ACVR2B: variants seen among roughly 807,000 people sequenced by gnomAD.
ACVR2B encodes activin A receptor type 2B.
Under a neutral mutation model 65.1 loss-of-function variants are expected in ACVR2B, and 18 were observed. The observed-to-expected ratio is 0.28, with a 90% CI of 0.19 to 0.41. The LOEUF (loss-of-function observed/expected upper bound fraction) is 0.41, where lower values mean the gene tolerates loss of function less well. Ranked by LOEUF, ACVR2B falls within the 10% of genes least tolerant of loss-of-function variation. The pLI, the probability that ACVR2B is intolerant of heterozygous loss-of-function variation, is 1.00. For synonymous variants in ACVR2B, 298 were observed against 277.7 expected (o/e 1.07, Z -0.73); for missense variants, 482 against 682.7 (o/e 0.71, Z 3.28).
intron 1 of ACVR2B, among the ~76,000 whole-genome samples, chr3:38,466,300 G>A (rs75112923): frequency 1.5e-5 from 2 of 131,750 alleles, no homozygotes; most frequent in South Asian, 2.5e-4. Context: ...GCACCGTAGG[G>A]TGCTTGTAGT....
rs932655056 is a variant in ACVR2B, at chr3:38,467,754, A to G, written c.53-9533A>G. 6.1e-4 allele frequency among the ~76,000 whole-genome samples: 20 copies of G among 32,602 alleles called. No individual in the cohort carries two copies. In the Admixed American group the frequency reaches 6.4e-3, roughly 10 times the overall value. The allele number at this position is 32,602 out of a possible 152,430, so 21.4% of individuals were successfully genotyped here. On this transcript the variant is annotated intron_variant, in intron 1 of 10. Transcript: ENST00000352511. Reference sequence around the variant, plus strand: ...GTCACAGAGCAAGACCCTGTGTCCAAAAAAAAAAAAGGAGACATGGAATAA... The same window carrying G: ...GTCACAGAGCAAGACCCTGTGTCCAGAAAAAAAAAAGGAGACATGGAATAA...
chr3:38,479,967 A>C, intron 7 of ACVR2B, 141 bp downstream of exon 7: 1 of 1,199,754 alleles, frequency 8.3e-7, no homozygotes, highest in Non-Finnish European at 1.2e-6. Context: ...AGCTGGGCAC[A>C]AAACCTGGCC....
rs191838801 is a variant in ACVR2B at position 38,489,233 on chromosome 3, C to T, written c.*5901C>T. ...TATAATAGATACACAACACTTGAAACTTTACTTTAAAAAAATCGATAGTTC... is the reference window on the plus strand; with the variant it reads ...TATAATAGATACACAACACTTGAAATTTTACTTTAAAAAAATCGATAGTTC... On this transcript the variant is annotated 3_prime_UTR_variant, in exon 11 of 11. Transcript: ENST00000352511. The T allele has an allele frequency of 1.6e-4, 24 of 152,684 alleles. No individual in the cohort carries two copies. In the East Asian group the frequency reaches 4.2e-3, roughly 27 times the overall value. 9.5% of individuals were successfully genotyped at this position (152,684 alleles called of 1,614,324 possible). A position where few individuals can be genotyped will look rare whatever the true frequency, so the allele number is the denominator to read the frequency against.
intron 5 of ACVR2B, among the ~76,000 whole-genome samples, chr3:38,478,871 G>T (rs1279334925): frequency 6.6e-6 from 1 of 152,108 alleles, no homozygotes; most frequent in Non-Finnish European, 1.5e-5. Context: ...GACCTTAGTG[G>T]CCCCATTTGT....
Position 38,485,904 on chromosome 3 carries a change from A to G in ACVR2B, c.*2572A>G, listed in dbSNP as rs1219105473. 1.3e-5 allele frequency: 2 copies of G among 152,526 alleles called. No homozygotes were observed. Among genetic ancestry groups the G allele is most frequent in the Non-Finnish European group, 2.9e-5 (2 of 68,012 alleles). The allele number at this position is 152,526 out of a possible 1,614,324, so 9.4% of individuals were successfully genotyped here. A position where few individuals can be genotyped will look rare whatever the true frequency, so the allele number is the denominator to read the frequency against. ...TCATCCTCAGAAGAAACAAACGACTAACAAATGTAGCAAATTTACTGCAGG... is the reference window on the plus strand; with the variant it reads ...TCATCCTCAGAAGAAACAAACGACTGACAAATGTAGCAAATTTACTGCAGG... On this transcript the variant is annotated 3_prime_UTR_variant, in exon 11 of 11. Coordinates refer to ENST00000352511, the MANE Select transcript of ACVR2B (RefSeq NM_001106.4).
chr3:38,468,815 G>A (rs1400944626), intron 1 of ACVR2B, among the ~76,000 whole-genome samples: 1 of 152,180 alleles, frequency 6.6e-6, no homozygotes, highest in Non-Finnish European at 1.5e-5. Context: ...GTTCTTACAG[G>A]TTTATGCATT....
At chr3:38,462,643 T>A (rs1709668185) in intron 1 of ACVR2B, among the ~76,000 whole-genome samples, 1 of 152,250 alleles carries the variant, frequency 6.6e-6, no homozygotes, top group African/African-American at 2.4e-5. Flanking sequence ...TGGCAAACTT[T>A]CTGATACATA....
At chr3:38,466,895 G>A (rs1039218909) in intron 1 of ACVR2B, among the ~76,000 whole-genome samples, 4 of 152,224 alleles carry the variant, frequency 2.6e-5, no homozygotes, top group Admixed American at 6.5e-5. Flanking sequence ...GAGATGAAGA[G>A]AGGAATGAAG....
intron 1 of ACVR2B, chr3:38,474,875 C>T (rs1326213595): frequency 6.6e-6 from 1 of 152,268 alleles, no homozygotes; most frequent in Non-Finnish European, 1.5e-5. Flanking sequence ...GAGGTGGTAA[C>T]TTCCGACTTA....
chr3:38,470,250 C>A (rs747441863), intron 1 of ACVR2B, among the ~76,000 whole-genome samples: 1 of 152,016 alleles, frequency 6.6e-6, no homozygotes, highest in South Asian at 2.1e-4. Context: ...TAGTGAACCC[C>A]AAATAGTATA....
At chr3:38,456,602 C>T (rs1029122129) in intron 1 of ACVR2B, among the ~76,000 whole-genome samples, 13 of 152,202 alleles carry the variant, frequency 8.5e-5, no homozygotes, top group Non-Finnish European at 1.5e-4. Flanking sequence ...AGCTCTAAGT[C>T]TGAGCCCAGG....
In ACVR2B at chr3:38,470,019, G is replaced by A. The variant is rs190420053; in HGVS notation, c.53-7268G>A. ...TTAGACATAGCTAAAGAGAGAATTC[G>A]TGAATTGGAAGTTGATCTTCAGGAA... is the stretch of plus-strand genomic sequence containing the variant. On this transcript the variant is annotated intron_variant, in intron 1 of 10. Coordinates refer to ENST00000352511, the MANE Select transcript of ACVR2B (RefSeq NM_001106.4). 9.9e-5 allele frequency among the ~76,000 whole-genome samples: 15 copies of A among 152,254 alleles called. No individual in the cohort carries two copies. The South Asian group carries it at 1.5e-3, about 15-fold the overall frequency.
chr3:38,459,493 T>C (rs1456004040), intron 1 of ACVR2B: 1 of 692,228 alleles, frequency 1.4e-6, no homozygotes, highest in Non-Finnish European at 1.8e-6. Flanking sequence ...CAGCAGCCCC[T>C]CTCTGCTCAC....
Position 38,477,974 on chromosome 3 carries a change from AG to A in ACVR2B, c.370+9del, listed in dbSNP as rs566159587. ...CCAGAGGCTGGGGGCCCGGAAGGTA[AG>A]GGGGCAGTGTGGAAGTGGGGCCTTG... On this transcript the variant is annotated splice_donor_5th_base_variant and intron_variant, in intron 3 of 10. Coordinates refer to ENST00000352511, the MANE Select transcript of ACVR2B (RefSeq NM_001106.4). The surrounding 1 kb of genome is among the most constrained non-coding windows in gnomAD (Gnocchi z 6.7). The A allele has an allele frequency of 1.4e-5, 22 of 1,613,768 alleles. No individual in the cohort carries two copies. The highest frequency in any genetic ancestry group is 1.3e-5 in the African/African-American group (1 of 74,892).
rs1177822892 is a variant in ACVR2B, at chr3:38,487,845, T to C, written c.*4513T>C. On this transcript the variant is annotated 3_prime_UTR_variant, in exon 11 of 11. Transcript: ENST00000352511. ...AGAACTTTATTTCACTAGAAAAATATACTAATTGGAAAGCAGTTTCCAGGA... is the reference window on the plus strand; with the variant it reads ...AGAACTTTATTTCACTAGAAAAATACACTAATTGGAAAGCAGTTTCCAGGA... 1 of 152,248 alleles carries C rather than the reference T, an allele frequency of 6.6e-6. No individual in the cohort carries two copies. Among genetic ancestry groups the C allele is most frequent in the Non-Finnish European group, 1.5e-5 (1 of 68,044 alleles). The allele number at this position is 152,248 out of a possible 1,614,324, so 9.4% of individuals were successfully genotyped here. A position where few individuals can be genotyped will look rare whatever the true frequency, so the allele number is the denominator to read the frequency against.
chr3:38,478,215 C>T lies in ACVR2B; in HGVS notation c.445C>T (p.Leu149Phe). Residue 149 changes from leucine (L) to phenylalanine (F), a missense_variant, in exon 4 of 11, where the codon CTT becomes TTT. This residue lies in a region of ACVR2B where 95 missense variants were observed against 91.6 expected (regional missense o/e 1.04). Transcript: ENST00000352511. ...CTACTCACTGCTGCCCATCGGGGGC[C>T]TTTCCCTCATCGTCCTGCTGGCCTT... ...LAYSLLPIGG[L>F]SLIVLLAFWM... The T allele has an allele frequency of 3.1e-6, 5 of 1,614,148 alleles. No homozygotes were observed. The highest frequency in any genetic ancestry group is 4.2e-6 in the Non-Finnish European group (5 of 1,180,022).
At chr3:38,469,372 G>A (rs138955305) in intron 1 of ACVR2B, among the ~76,000 whole-genome samples, 2 of 152,276 alleles carry the variant, frequency 1.3e-5, no homozygotes, top group East Asian at 1.9e-4. Context: ...TGGACAATAG[G>A]AGAGAAGATG....
intron 1 of ACVR2B, among the ~76,000 whole-genome samples, chr3:38,466,298 GGGTGC>G (rs201203029): frequency 0.071 from 10,729 of 152,180 alleles, 551 homozygotes; most frequent in East Asian, 0.23. Context: ...TTGCACCGTA[GGGTGC>G]TTGTAGTTAG....
At position 38,483,187 on chromosome 3, in the gene ACVR2B, C is replaced by T; in HGVS notation, c.1394C>T (p.Ala465Val). The change falls in exon 11 of 11, where the codon GCA (alanine) becomes GTA (valine). Residue 465 changes from alanine (A) to valine (V), a missense_variant. Physicochemically the swap from Ala to Val is moderately conservative, Grantham distance 64. Transcript: ENST00000352511. The surrounding 1 kb of genome is among the most constrained non-coding windows in gnomAD (Gnocchi z 4.8). ...VTIEECWDHD[A>V]EARLSAGCVE... The stretch of plus-strand genomic sequence containing the variant: ...ATCGAGGAGTGCTGGGACCATGATG[C>T]AGAGGCTCGCTTGTCCGCGGGCTGT... The T allele has an allele frequency of 6.2e-7, 1 of 1,614,174 alleles. No individual in the cohort carries two copies. Among genetic ancestry groups the T allele is most frequent in the Non-Finnish European group, 8.5e-7 (1 of 1,180,042 alleles).
Sources: gnomAD v4.1 joint callset for allele counts (sites outside exome capture counted in the v4.1 genomes callset) on GRCh38, gnomAD v4.1.1 for gene constraint, gnomAD v4.1.1 regional missense constraint, Gnocchi (gnomAD v3.1) non-coding constraint, MANE v1.5 for transcripts, NCBI Gene and HGNC (gene_info 2026-07-23, HGNC 2026-07-21) for gene names.